CKMT2: variants seen among roughly 807,000 people sequenced by gnomAD.
The protein encoded by CKMT2 is creatine kinase S-type, mitochondrial.
In CKMT2, 43 loss-of-function variants were observed where a neutral mutation model predicts 48.9. That is an observed-to-expected ratio of 0.88 (90% CI 0.69 to 1.13). The LOEUF is 1.13. Among genes scored for constraint, CKMT2 ranks in the 50% most tolerant of loss-of-function variants. The probability of loss-of-function intolerance (pLI) is 0.00; values close to 1 mark genes in which losing one functional copy is unlikely to be tolerated. For synonymous variants in CKMT2, 206 were observed against 213.0 expected (o/e 0.97, Z 0.29); for missense variants, 472 against 555.4 (o/e 0.85, Z 1.51).
At chr5:81,244,000 T>C (rs1046405912) in intron 1 of CKMT2, 9 of 981,360 alleles carry the variant, frequency 9.2e-6, no homozygotes, top group African/African-American at 3.5e-5. Context: ...GTCCCTAATA[T>C]GATCTTATTT....
At chr5:81,239,870 G>A (rs1004341926) in intron 1 of CKMT2, among the ~76,000 whole-genome samples, 2 of 152,158 alleles carry the variant, frequency 1.3e-5, no homozygotes, top group Non-Finnish European at 2.9e-5. Context: ...TCCTGGGTGA[G>A]TTATTTTGCC....
chr5:81,240,277 C>T (rs1373849343), intron 1 of CKMT2, among the ~76,000 whole-genome samples: 1 of 152,182 alleles, frequency 6.6e-6, no homozygotes, highest in Admixed American at 6.5e-5. Context: ...CTTAGCCTCC[C>T]CTCGGCATCA....
At position 81,255,141 on chromosome 5, in the gene CKMT2, T is replaced by A. The variant is rs1252966795; in HGVS notation, c.596T>A (p.Leu199His). ...ENVAITALEG[L>H]KGDLAGRYYK... ...GTGGCCATCACTGCCCTGGAGGGCC[T>A]CAAGGGGGACCTGGCTGGCCGCTAC... Residue 199 changes from leucine to histidine, a missense_variant, in exon 5 of 10, where the codon CTC becomes CAC. Transcript: ENST00000254035. 1 of 1,614,086 alleles carries A rather than the reference T, an allele frequency of 6.2e-7. No individual in the cohort carries two copies. Among genetic ancestry groups the A allele is most frequent in the South Asian group, 1.1e-5 (1 of 91,088 alleles).
Position 81,264,221 on chromosome 5 carries a change from T to A in CKMT2, c.1140+605T>A, listed in dbSNP as rs532808010. Among the ~76,000 whole-genome samples, 9 of 152,296 alleles carry A rather than the reference T, an allele frequency of 5.9e-5. No homozygotes were observed. In the East Asian group the frequency reaches 1.5e-3, roughly 26 times the overall value. On this transcript the variant is annotated intron_variant, in intron 9 of 9. Transcript: ENST00000254035. ...ATAGACTTTGTGTGGCCTGAAACAA[T>A]GAATGAGGCAAAAAGATCACATGTA...
chr5:81,244,492 T>C (rs1756541795), intron 1 of CKMT2, among the ~76,000 whole-genome samples: 1 of 152,168 alleles, frequency 6.6e-6, no homozygotes, highest in African/African-American at 2.4e-5. Context: ...CAAAAACACA[T>C]TGGAGCCTCT....
intron 1 of CKMT2, among the ~76,000 whole-genome samples, chr5:81,234,711 C>T (rs2112773863): frequency 6.6e-6 from 1 of 152,270 alleles, no homozygotes; most frequent in East Asian, 1.9e-4. Context: ...GGAAATGGGC[C>T]ATAGGCAGGT....
intron 5 of CKMT2, among the ~76,000 whole-genome samples, chr5:81,256,185 TCTTGA>T (rs755617910): frequency 2.6e-5 from 4 of 151,888 alleles, no homozygotes; most frequent in African/African-American, 9.7e-5. Flanking sequence ...AAAAAAAAAG[TCTTGA>T]CTTTAATTTT....
At position 81,252,679 on chromosome 5, in the gene CKMT2, C is replaced by T. The variant is rs376644178; in HGVS notation, c.153-16C>T. 6.2e-7 allele frequency: 1 copy of T among 1,613,206 alleles called. No individual in the cohort carries two copies. Among genetic ancestry groups the T allele is most frequent in the African/African-American group, 1.3e-5 (1 of 74,906 alleles). ...CGGGGGCTGCTGGCTGACAGCCTGC[C>T]CTCCTCCCCACACAGCGCAGACTAC... is the stretch of plus-strand genomic sequence containing the variant. On this transcript the variant is annotated splice_polypyrimidine_tract_variant and intron_variant, in intron 2 of 9. Coordinates refer to ENST00000254035, the MANE Select transcript of CKMT2 (RefSeq NM_001099735.2).
At chr5:81,249,944 G>T (rs772904569) in intron 1 of CKMT2, among the ~76,000 whole-genome samples, 3 of 152,010 alleles carry the variant, frequency 2.0e-5, no homozygotes, top group Non-Finnish European at 4.4e-5. Context: ...TTTATTATTT[G>T]TCTAGGTGTC....
intron 1 of CKMT2, among the ~76,000 whole-genome samples, chr5:81,234,760 G>A (rs1341288553): frequency 6.6e-6 from 1 of 152,208 alleles, no homozygotes; most frequent in African/African-American, 2.4e-5. Context: ...GTCGGGGGGA[G>A]TACCATACAG....
At chr5:81,253,628 T>C (rs1756897367) in intron 3 of CKMT2, among the ~76,000 whole-genome samples, 1 of 152,208 alleles carries the variant, frequency 6.6e-6, no homozygotes, top group South Asian at 2.1e-4. Flanking sequence ...GGGAGCCATC[T>C]TGAATAAACA....
chr5:81,253,766 T>C (rs1756902097), intron 3 of CKMT2, among the ~76,000 whole-genome samples: 1 of 152,238 alleles, frequency 6.6e-6, no homozygotes, highest in South Asian at 2.1e-4. Context: ...GCAGGGTGCT[T>C]TGTTACAACT....
At chr5:81,265,933 T>C (rs1334771990) in intron 9 of CKMT2, among the ~76,000 whole-genome samples, 1 of 152,188 alleles carries the variant, frequency 6.6e-6, no homozygotes, top group Non-Finnish European at 1.5e-5. Context: ...AAAAAAGCTT[T>C]CACATACAAA....
chr5:81,241,843 T>C (rs1051670362), intron 1 of CKMT2, among the ~76,000 whole-genome samples: 1 of 152,312 alleles, frequency 6.6e-6, no homozygotes, highest in African/African-American at 2.4e-5. Context: ...CTTTTTCCTA[T>C]ATTTTATGGA....
At chr5:81,259,611 T>G (rs576269580) in intron 8 of CKMT2, among the ~76,000 whole-genome samples, 6 of 152,160 alleles carry the variant, frequency 3.9e-5, no homozygotes, top group African/African-American at 1.4e-4. Flanking sequence ...CTGAAGGACT[T>G]GGTAAAACAC....
intron 7 of CKMT2, 70 bp downstream of exon 7, chr5:81,257,926 A>C (rs111626698): frequency 3.4e-6 from 5 of 1,469,458 alleles, no homozygotes; most frequent in Middle Eastern, 4.3e-4. Flanking sequence ...TCTTGAAAGA[A>C]GACACTATGG....
At chr5:81,236,952 C>CCAGCCCGG (rs2112777123) in intron 1 of CKMT2, among the ~76,000 whole-genome samples, 1 of 152,280 alleles carries the variant, frequency 6.6e-6, no homozygotes, top group East Asian at 1.9e-4. Flanking sequence ...GAGTTCGAGA[C>CCAGCCCGG]CAGCCCGGCC....
chr5:81,259,361 T>G, intron 8 of CKMT2, 107 bp downstream of exon 8: 47 of 954,076 alleles, frequency 4.9e-5, no homozygotes, highest in Middle Eastern at 4.6e-4. Flanking sequence ...TTACTTTCTC[T>G]ATCTACAATA....
Position 81,255,230 on chromosome 5 carries a change from G to T in CKMT2, c.669+16G>T. On this transcript the variant is annotated intron_variant, in intron 5 of 9. Transcript: ENST00000254035. ...GCTCATCGATGTGAGTAGCAGATGGGGCTCCCTGGGGAAGGACTGGACCAA... is the reference window on the plus strand; with the variant it reads ...GCTCATCGATGTGAGTAGCAGATGGTGCTCCCTGGGGAAGGACTGGACCAA... 6.2e-7 allele frequency: 1 copy of T among 1,609,750 alleles called. No individual in the cohort carries two copies. The highest frequency in any genetic ancestry group is 1.3e-5 in the African/African-American group (1 of 74,958).
Sources: gnomAD v4.1 joint callset for allele counts (sites outside exome capture counted in the v4.1 genomes callset) on GRCh38, gnomAD v4.1.1 for gene constraint, MANE v1.5 for transcripts, NCBI Gene and HGNC (gene_info 2026-07-23, HGNC 2026-07-21) for gene names.